Variants in PCDHGB6 observed in about 807,000 individuals in gnomAD.
PCDHGB6 encodes the protein protocadherin gamma-B6.
In PCDHGB6, 51 loss-of-function variants were observed where a neutral mutation model predicts 59.1. The observed-to-expected ratio is 0.86, with a 90% CI of 0.69 to 1.09. The LOEUF (loss-of-function observed/expected upper bound fraction) is 1.09, where lower values mean the gene tolerates loss of function less well. Among genes scored for constraint, PCDHGB6 ranks in the 50% least tolerant of loss-of-function variants. PCDHGB6 has a pLI of 0.00. For missense variants in PCDHGB6, 1,148 were observed against 1,205.1 expected (o/e 0.95, Z 0.70); for synonymous variants, 466 against 495.1 (o/e 0.94, Z 0.78).
chr5:141,497,832 G>C (rs1326640712), intron 2 of PCDHGB6, among the ~76,000 whole-genome samples: 1 of 151,992 alleles, frequency 6.6e-6, no homozygotes, highest in East Asian at 1.9e-4. Context: ...GATCGCCCCC[G>C]GCCACAACAA....
rs1296339131 is a variant in PCDHGB6 at position 141,408,839 on chromosome 5, A to T, written c.637A>T (p.Thr213Ser). Residue 213 changes from threonine to serine, a missense_variant, in exon 1 of 4, where the codon ACT becomes TCT. Around this residue, in one of 5 missense-constraint regions of PCDHGB6, gnomAD observed 307 missense variants for 323.8 expected, o/e 0.95. Transcript: ENST00000520790. ...ACAGAGATCTCATAGCTTGATATTG[A>T]CTGCCTTGGACGGAGGGGACCCACC... ...EEQRSHSLIL[T>S]ALDGGDPPRS... 1.5e-5 allele frequency: 24 copies of T among 1,613,642 alleles called. No homozygotes were observed. Among genetic ancestry groups the T allele is most frequent in the Non-Finnish European group, 2.0e-5 (24 of 1,179,794 alleles).
rs1032814206 is a variant in PCDHGB6, at chr5:141,472,764, T to A, written c.2419-22043T>A. Among the ~76,000 whole-genome samples, 12 of 152,040 alleles carry A rather than the reference T, an allele frequency of 7.9e-5. No individual in the cohort carries two copies. The East Asian group carries it at 2.1e-3, about 27-fold the overall frequency. ...ACTTTGGGAGGCGGAGGCTGGCAGATCACCTGAGGTTGGGAGTTCAAGATC... is the reference window on the plus strand; with the variant it reads ...ACTTTGGGAGGCGGAGGCTGGCAGAACACCTGAGGTTGGGAGTTCAAGATC... On this transcript the variant is annotated intron_variant, in intron 1 of 3. Coordinates refer to ENST00000520790, the MANE Select transcript of PCDHGB6 (RefSeq NM_018926.3).
intron 1 of PCDHGB6, among the ~76,000 whole-genome samples, chr5:141,434,848 C>T (rs1224972794): frequency 6.6e-6 from 1 of 151,786 alleles, no homozygotes; most frequent in Non-Finnish European, 1.5e-5. Context: ...AAGCAGACAT[C>T]AATAAATTTA....
At position 141,489,068 on chromosome 5, in the gene PCDHGB6, G is replaced by GGCCCC; in HGVS notation, c.2419-5739_2419-5738insGCCCC. On this transcript the variant is annotated intron_variant, in intron 1 of 3. Coordinates refer to ENST00000520790, the MANE Select transcript of PCDHGB6 (RefSeq NM_018926.3). This position sits in a 1 kb window ranked among gnomAD's most constrained non-coding sequence, Gnocchi z 4.5. ...CTCAAATTCAGCTCCCCTCCCCCCT[G>GGCCCC]CCCACCCCCGCCACTCGGTGACTAA... 3.4e-6 allele frequency: 1 copy of GGCCCC among 291,558 alleles called. No individual in the cohort carries two copies. 18.1% of individuals were successfully genotyped at this position (291,558 alleles called of 1,614,324 possible). A position where few individuals can be genotyped will look rare whatever the true frequency, so the allele number is the denominator to read the frequency against.
intron 1 of PCDHGB6, among the ~76,000 whole-genome samples, chr5:141,484,179 A>G (rs2099592960): frequency 6.6e-6 from 1 of 152,222 alleles, no homozygotes; most frequent in South Asian, 2.1e-4. Context: ...GATCTCAATC[A>G]TTCAAGGAAG....
In PCDHGB6 at chr5:141,432,677, C is replaced by T. The variant is rs1241190176; in HGVS notation, c.2418+22057C>T. On this transcript the variant is annotated intron_variant, in intron 1 of 3. Transcript: ENST00000520790. This position sits in a 1 kb window ranked among gnomAD's most constrained non-coding sequence, Gnocchi z 6.0. ...CCTGCTGGACAGAGACGCGCTCAAGCAGAGCCTCGTAGTGGCCGTCCAGGA... is the reference window on the plus strand; with the variant it reads ...CCTGCTGGACAGAGACGCGCTCAAGTAGAGCCTCGTAGTGGCCGTCCAGGA... The T allele has an allele frequency of 1.2e-6, 2 of 1,613,942 alleles. No individual in the cohort carries two copies. The highest frequency in any genetic ancestry group is 1.1e-5 in the South Asian group (1 of 91,076).
chr5:141,447,864 T>A (rs2098553913), intron 1 of PCDHGB6, among the ~76,000 whole-genome samples: 1 of 152,098 alleles, frequency 6.6e-6, no homozygotes, highest in Non-Finnish European at 1.5e-5. Context: ...GGTGGGTGAA[T>A]CATCTGAGGT....
At chr5:141,456,492 G>C (rs542424798) in intron 1 of PCDHGB6, among the ~76,000 whole-genome samples, 1 of 152,284 alleles carries the variant, frequency 6.6e-6, no homozygotes, top group African/African-American at 2.4e-5. Flanking sequence ...GCTTAATAAA[G>C]GGGTTAACCA....
chr5:141,419,700 C>T, intron 1 of PCDHGB6: 2 of 1,612,974 alleles, frequency 1.2e-6, no homozygotes, highest in Non-Finnish European at 1.7e-6. Context: ...GCCAGTGAGC[C>T]CGGGCTCTTC....
In PCDHGB6 at chr5:141,419,475, C is replaced by T. The variant is rs775720158; in HGVS notation, c.2418+8855C>T. On this transcript the variant is annotated intron_variant, in intron 1 of 3. Coordinates refer to ENST00000520790, the MANE Select transcript of PCDHGB6 (RefSeq NM_018926.3). Reference sequence around the variant, plus strand: ...ACGCTGCAGGCCCGCGACCAGGGCTCGCCCGCGCTCAGCGCCAATGTGAGC... The same window carrying T: ...ACGCTGCAGGCCCGCGACCAGGGCTTGCCCGCGCTCAGCGCCAATGTGAGC... The T allele has an allele frequency of 4.6e-5, 74 of 1,612,266 alleles. No homozygotes were observed. The highest frequency in any genetic ancestry group is 5.9e-5 in the Non-Finnish European group (70 of 1,179,514).
chr5:141,490,004 C>A lies in PCDHGB6; in HGVS notation c.2419-4803C>A. The A allele has an allele frequency of 6.2e-7, 1 of 1,614,174 alleles. No homozygotes were observed. The highest frequency in any genetic ancestry group is 1.7e-5 in the Admixed American group (1 of 60,034). On this transcript the variant is annotated intron_variant, in intron 1 of 3. Transcript: ENST00000520790. The surrounding 1 kb of genome is among the most constrained non-coding windows in gnomAD (Gnocchi z 5.4). ...CTACGTGTGGGAATCCCAGAGAATGCACCCATTGGTACTCTGCTGCTCCGC... is the reference window on the plus strand; with the variant it reads ...CTACGTGTGGGAATCCCAGAGAATGAACCCATTGGTACTCTGCTGCTCCGC...
chr5:141,456,103 T>C lies in PCDHGB6; in HGVS notation c.2419-38704T>C, dbSNP rs185224428. Among the ~76,000 whole-genome samples the C allele has an allele frequency of 2.6e-3, 390 of 152,142 alleles. 3 individuals are homozygous for C. The highest frequency in any genetic ancestry group is 6.7e-3 in the Admixed American group (103 of 15,290). On this transcript the variant is annotated intron_variant, in intron 1 of 3. Coordinates refer to ENST00000520790, the MANE Select transcript of PCDHGB6 (RefSeq NM_018926.3). The stretch of plus-strand genomic sequence containing the variant: ...CAGTAGAGACGGGATTTCACCGTGT[T>C]AGCCAGGATGGTCTCCATCTCCTGA...
At chr5:141,418,530 G>T in intron 1 of PCDHGB6, 6 of 1,613,952 alleles carry the variant, frequency 3.7e-6, no homozygotes, top group Non-Finnish European at 5.1e-6. Flanking sequence ...CCCCGAAGCG[G>T]TACTGCTCAG....
intron 1 of PCDHGB6, among the ~76,000 whole-genome samples, chr5:141,462,223 G>A (rs563764515): frequency 2.0e-5 from 3 of 152,144 alleles, no homozygotes; most frequent in Admixed American, 2.0e-4. Flanking sequence ...GCCTCCCAAA[G>A]TGCAGGGATT....
At chr5:141,428,142 C>T in intron 1 of PCDHGB6, 1 of 1,594,260 alleles carries the variant, frequency 6.3e-7, no homozygotes, top group Non-Finnish European at 8.6e-7. Flanking sequence ...CCTGGGGCTG[C>T]ACACGGGAAC....
chr5:141,454,691 C>T (rs745856768), intron 1 of PCDHGB6, among the ~76,000 whole-genome samples: 5 of 152,038 alleles, frequency 3.3e-5, no homozygotes, highest in Non-Finnish European at 5.9e-5. Flanking sequence ...CAGGCATGAG[C>T]CACCATGCTC....
At chr5:141,472,000 C>T (rs935165645) in intron 1 of PCDHGB6, among the ~76,000 whole-genome samples, 3 of 151,852 alleles carry the variant, frequency 2.0e-5, no homozygotes, top group African/African-American at 4.8e-5. Flanking sequence ...ATCCCTGCAT[C>T]GTATAGGGGC....
intron 1 of PCDHGB6, among the ~76,000 whole-genome samples, chr5:141,447,339 A>T (rs767342137): frequency 6.6e-6 from 1 of 151,770 alleles, no homozygotes; most frequent in Non-Finnish European, 1.5e-5. Flanking sequence ...GGGTTTCATC[A>T]TATTGGTCAG....
At chr5:141,416,982 T>C (rs191309825) in intron 1 of PCDHGB6, 25 of 152,264 alleles carry the variant, frequency 1.6e-4, no homozygotes, top group African/African-American at 5.5e-4. Context: ...GAGTCAAAAT[T>C]ATTGTGCATT....
Sources: gnomAD v4.1 joint callset for allele counts (sites outside exome capture counted in the v4.1 genomes callset) on GRCh38, gnomAD v4.1.1 for gene constraint, gnomAD v4.1.1 regional missense constraint, Gnocchi (gnomAD v3.1) non-coding constraint, MANE v1.5 for transcripts, NCBI Gene and HGNC (gene_info 2026-07-23, HGNC 2026-07-21) for gene names.